Variants in THSD7B observed in about 807,000 individuals in gnomAD.
THSD7B encodes thrombospondin type 1 domain containing 7B, also known as thrombospondin type-1 domain-containing protein 7B.
Under a neutral mutation model 213.6 loss-of-function variants are expected in THSD7B, and 138 were observed. The ratio of observed to expected loss-of-function variants is 0.65; its 90% CI spans 0.56 to 0.74. THSD7B has a LOEUF of 0.74. Ranked by LOEUF, THSD7B falls within the 30% of genes least tolerant of loss-of-function variation. The pLI is 0.00. For missense variants in THSD7B, 1,931 were observed against 1,991.5 expected (o/e 0.97, Z 0.58); for synonymous variants, 742 against 687.0 (o/e 1.08, Z -1.25).
chr2:137,286,713 G>A (rs1252782504), intron 12 of THSD7B, among the ~76,000 whole-genome samples: 1 of 151,546 alleles, frequency 6.6e-6, no homozygotes, highest in Non-Finnish European at 1.5e-5. Context: ...GGAGGAGGAG[G>A]AGAAAGGTTT....
In THSD7B at chr2:137,450,887, G is replaced by A; in HGVS notation, c.3002G>A (p.Cys1001Tyr). Reference protein sequence around the residue: ...EKCVIPCPFDCKLSDWSSWGS... With the variant: ...EKCVIPCPFDYKLSDWSSWGS... Reference sequence around the variant, plus strand: ...TGTGTCATTCCCTGCCCATTTGATTGCAAGTTAAGCGATTGGTCTAGTTGG... The same window carrying A: ...TGTGTCATTCCCTGCCCATTTGATTACAAGTTAAGCGATTGGTCTAGTTGG... The change falls in exon 15 of 28, where the codon TGC (cysteine) becomes TAC (tyrosine). Residue 1001 changes from cysteine (C) to tyrosine (Y), a missense_variant. By Grantham distance (194) the Cys-to-Tyr change is radical. Coordinates refer to ENST00000409968, the MANE Select transcript of THSD7B (RefSeq NM_001316349.2). The A allele has an allele frequency of 6.2e-7, 1 of 1,610,902 alleles. No homozygotes were observed. The highest frequency in any genetic ancestry group is 8.5e-7 in the Non-Finnish European group (1 of 1,178,692).
chr2:137,521,878 C>A (rs1260449235), intron 15 of THSD7B, among the ~76,000 whole-genome samples: 1 of 30,046 alleles, frequency 3.3e-5, no homozygotes. Context: ...CATCCCTCAG[C>A]TGTTGAGTAA....
chr2:137,131,495 G>A (rs1688731457), intron 5 of THSD7B, among the ~76,000 whole-genome samples: 1 of 152,128 alleles, frequency 6.6e-6, no homozygotes, highest in Admixed American at 6.5e-5. Context: ...TTTTCTTCTA[G>A]GGTTTTAATG....
At chr2:136,863,680 T>C (rs1279729970) in intron 1 of THSD7B, among the ~76,000 whole-genome samples, 1 of 152,170 alleles carries the variant, frequency 6.6e-6, no homozygotes, top group Non-Finnish European at 1.5e-5. Context: ...TTTGGTTGGC[T>C]TAGGGTCTTA....
chr2:137,144,688 A>G (rs1679659416), intron 5 of THSD7B, among the ~76,000 whole-genome samples: 1 of 152,082 alleles, frequency 6.6e-6, no homozygotes, highest in Admixed American at 6.6e-5. Flanking sequence ...TAGATGATCT[A>G]GACCTAACTA....
chr2:136,976,495 C>G (rs1685482892), intron 2 of THSD7B, among the ~76,000 whole-genome samples: 1 of 152,076 alleles, frequency 6.6e-6, no homozygotes, highest in Non-Finnish European at 1.5e-5. Context: ...TATGTTGAAC[C>G]AGCCTTGCAT....
intron 1 of THSD7B, among the ~76,000 whole-genome samples, chr2:136,828,229 C>T (rs911623565): frequency 1.3e-5 from 2 of 152,168 alleles, no homozygotes; most frequent in Admixed American, 6.5e-5. Flanking sequence ...ATCATCCTCT[C>T]TTTCTCTGGG....
Position 137,170,796 on chromosome 2 carries a change from T to A in THSD7B, c.1581T>A (p.His527Gln), listed in dbSNP as rs748801875. The A allele has an allele frequency of 6.2e-7, 1 of 1,613,740 alleles. No individual in the cohort carries two copies. Among genetic ancestry groups the A allele is most frequent in the Non-Finnish European group, 8.5e-7 (1 of 1,179,738 alleles). Residue 527 changes from histidine (H) to glutamine (Q), a missense_variant, in exon 7 of 28, where the codon CAT (histidine) becomes CAA (glutamine). By Grantham distance (24) the His-to-Gln change is conservative. Transcript: ENST00000409968. Reference sequence around the variant, plus strand: ...TGGAATCTACAGGGCCTGCAGGGCATTGCCCTCATTTGGTGGAGTCTGTTC... The same window carrying A: ...TGGAATCTACAGGGCCTGCAGGGCAATGCCCTCATTTGGTGGAGTCTGTTC... ...VLMESTGPAG[H>Q]CPHLVESVPC... is the part of the protein sequence containing the mutation.
chr2:137,449,701 G>C (rs926834404), intron 14 of THSD7B, among the ~76,000 whole-genome samples: 2 of 152,142 alleles, frequency 1.3e-5, no homozygotes, highest in African/African-American at 4.8e-5. Flanking sequence ...GCATTTCATA[G>C]CATGGCTATT....
At chr2:137,507,758 C>T (rs1269655171) in intron 15 of THSD7B, among the ~76,000 whole-genome samples, 1 of 151,632 alleles carries the variant, frequency 6.6e-6, no homozygotes, top group Non-Finnish European at 1.5e-5. Context: ...CTCTCCCTCC[C>T]TTCCTTTCAT....
intron 1 of THSD7B, among the ~76,000 whole-genome samples, chr2:136,804,438 A>ACACACACACACACC (rs61679077): frequency 2.2e-5 from 3 of 138,592 alleles, no homozygotes; most frequent in Non-Finnish European, 4.8e-5. Flanking sequence ...ACACACACAC[A>ACACACACACACACC]CCCTTACCCT....
At chr2:137,535,027 C>G (rs554462935) in intron 15 of THSD7B, among the ~76,000 whole-genome samples, 188 of 151,874 alleles carry the variant, frequency 1.2e-3, no homozygotes, top group African/African-American at 3.8e-3. Flanking sequence ...AGGCAAATTT[C>G]AAGTATTCTT....
chr2:137,203,744 A>C (rs1432704120), intron 7 of THSD7B, among the ~76,000 whole-genome samples: 2 of 151,968 alleles, frequency 1.3e-5, no homozygotes, highest in Non-Finnish European at 2.9e-5. Context: ...GAAATGTAGA[A>C]TCTATTTAAC....
intron 12 of THSD7B, among the ~76,000 whole-genome samples, chr2:137,335,620 T>C (rs1021927897): frequency 4.6e-5 from 7 of 152,198 alleles, no homozygotes; most frequent in Admixed American, 4.6e-4. Flanking sequence ...TTGGCATGCA[T>C]TGCAGTAGTT....
chr2:137,512,382 CTTTTTTTTTTT>C (rs70978233), intron 15 of THSD7B, among the ~76,000 whole-genome samples: 2 of 81,378 alleles, frequency 2.5e-5, no homozygotes, highest in Non-Finnish European at 4.2e-5. Context: ...CATTTATTTC[CTTTTTTTTTTT>C]TTTTTTTTTT....
chr2:137,427,546 T>C (rs574203476), intron 14 of THSD7B, among the ~76,000 whole-genome samples: 2 of 152,122 alleles, frequency 1.3e-5, no homozygotes, highest in South Asian at 2.1e-4. Context: ...TGTGGCAATA[T>C]AGATGAACCT....
Position 137,044,074 on chromosome 2 carries a change from C to T in THSD7B, c.140-12346C>T, listed in dbSNP as rs182003115. Among the ~76,000 whole-genome samples, 159 of 152,246 alleles carry T rather than the reference C, an allele frequency of 1.0e-3. 1 individual carries two copies. Among genetic ancestry groups the T allele is most frequent in the Non-Finnish European group, 1.6e-3 (109 of 68,030 alleles). On this transcript the variant is annotated intron_variant, in intron 2 of 27. Transcript: ENST00000409968. ...GGAACCTGTATCCTGACAGCTTTCTCGCTGCTTCTGGGGTTTTTCTCAGCT... is the reference window on the plus strand; with the variant it reads ...GGAACCTGTATCCTGACAGCTTTCTTGCTGCTTCTGGGGTTTTTCTCAGCT...
rs1259398394 is a variant in THSD7B, at chr2:137,139,702, T to C, written c.1370-20511T>C. Among the ~76,000 whole-genome samples the C allele has an allele frequency of 7.9e-5, 12 of 152,144 alleles. No homozygotes were observed. In the East Asian group the frequency reaches 2.3e-3, roughly 29 times the overall value. ...TTCCTCCAGACTGCCTTTTGATTGA[T>C]GTAGATATTACATTTGCCTGCCTGA... On this transcript the variant is annotated intron_variant, in intron 5 of 27. Coordinates refer to ENST00000409968, the MANE Select transcript of THSD7B (RefSeq NM_001316349.2).
rs1553455794 is a variant in THSD7B at position 136,890,303 on chromosome 2, C to CCTCCTCTTCTT, written c.139+7988_139+7989insCCTCTTCTTCT. On this transcript the variant is annotated intron_variant, in intron 2 of 27. Coordinates refer to ENST00000409968, the MANE Select transcript of THSD7B (RefSeq NM_001316349.2). Reference sequence around the variant, plus strand: ...TGCTCATTCATGTCCATGTCCTACTCCTTCTTCTTCTTCTTCTTCTTCTTC... The same window carrying CCTCCTCTTCTT: ...TGCTCATTCATGTCCATGTCCTACTCCTCCTCTTCTTCTTCTTCTTCTTCTTCTTCTTCTTC... Among the ~76,000 whole-genome samples the CCTCCTCTTCTT allele has an allele frequency of 3.3e-3, 17 of 5,160 alleles. 4 individuals are homozygous for CCTCCTCTTCTT. Among genetic ancestry groups the CCTCCTCTTCTT allele is most frequent in the Admixed American group, 0.012 (7 of 566 alleles). The allele number at this position is 5,160 out of a possible 152,430, so 3.4% of individuals were successfully genotyped here. A position where few individuals can be genotyped will look rare whatever the true frequency, so the allele number is the denominator to read the frequency against.
Sources: allele counts gnomAD v4.1 joint callset (sites outside exome capture counted in the v4.1 genomes callset), GRCh38; gene constraint gnomAD v4.1.1; transcripts MANE v1.5; gene names NCBI Gene and HGNC (gene_info 2026-07-23, HGNC 2026-07-21).